The following KDM4C variants were observed in gnomAD, a reference collection of about 807,000 sequenced individuals.
KDM4C encodes the protein lysine-specific demethylase 4C.
Under a neutral mutation model 129.3 loss-of-function variants are expected in KDM4C, and 81 were observed. The ratio of observed to expected loss-of-function variants is 0.63; its 90% CI spans 0.52 to 0.75. The LOEUF (loss-of-function observed/expected upper bound fraction) is 0.75. Among genes scored for constraint, KDM4C ranks in the 30% least tolerant of loss-of-function variants. The probability of loss-of-function intolerance (pLI) is 0.00; values close to 1 mark genes in which losing one functional copy is unlikely to be tolerated. For missense variants in KDM4C, 1,457 were observed against 1,304.0 expected (o/e 1.12, Z -1.81); for synonymous variants, 573 against 456.1 (o/e 1.26, Z -3.26).
intron 19 of KDM4C, among the ~76,000 whole-genome samples, chr9:7,151,975 A>G (rs1420074770): frequency 6.6e-6 from 1 of 152,234 alleles, no homozygotes; most frequent in Non-Finnish European, 1.5e-5. Context: ...AGGCTGCGAG[A>G]TAACCTCCTA....
chr9:6,981,544 G>A (rs1011224574), intron 9 of KDM4C, among the ~76,000 whole-genome samples: 1 of 152,124 alleles, frequency 6.6e-6, no homozygotes, highest in Non-Finnish European at 1.5e-5. Flanking sequence ...TCTTCTGGAT[G>A]CTTATATTTT....
chr9:7,031,973 C>A (rs947391553), intron 15 of KDM4C, among the ~76,000 whole-genome samples: 4 of 152,224 alleles, frequency 2.6e-5, no homozygotes, highest in Non-Finnish European at 5.9e-5. Context: ...ACCTCTGGAA[C>A]TTTGGAGTAT....
chr9:6,977,868 A>C (rs1306688807), intron 8 of KDM4C, among the ~76,000 whole-genome samples: 2 of 152,200 alleles, frequency 1.3e-5, no homozygotes, highest in East Asian at 3.9e-4. Context: ...ACCACTATGC[A>C]CTTACTTCCC....
chr9:6,967,484 G>T (rs867170712), intron 8 of KDM4C, among the ~76,000 whole-genome samples: 1 of 151,548 alleles, frequency 6.6e-6, no homozygotes, highest in Non-Finnish European at 1.5e-5. Flanking sequence ...AGATTAAAAC[G>T]TTCACAGAAA....
intron 4 of KDM4C, among the ~76,000 whole-genome samples, chr9:6,836,435 T>C (rs1835892124): frequency 6.6e-6 from 1 of 152,170 alleles, no homozygotes; most frequent in South Asian, 2.1e-4. Context: ...ATGTACAATA[T>C]ATTTAAGTTT....
intron 5 of KDM4C, among the ~76,000 whole-genome samples, chr9:6,857,403 A>C (rs1278224294): frequency 6.6e-6 from 1 of 152,260 alleles, no homozygotes; most frequent in Non-Finnish European, 1.5e-5. Flanking sequence ...ATTTGTAAGA[A>C]GAAGAGAATA....
intron 10 of KDM4C, among the ~76,000 whole-genome samples, chr9:6,985,069 G>T (rs562175022): frequency 1.3e-5 from 2 of 152,000 alleles, no homozygotes; most frequent in East Asian, 1.9e-4. Context: ...TCCCCCCTCC[G>T]CCAGAATCCG....
chr9:7,037,719 C>G (rs1018917757), intron 15 of KDM4C, among the ~76,000 whole-genome samples: 2 of 152,066 alleles, frequency 1.3e-5, no homozygotes, highest in African/African-American at 4.8e-5. Flanking sequence ...TTTCATTTAT[C>G]TTTTAACCAC....
chr9:7,046,507 C>G (rs898084261), intron 15 of KDM4C, among the ~76,000 whole-genome samples: 1 of 152,012 alleles, frequency 6.6e-6, no homozygotes, highest in African/African-American at 2.4e-5. Context: ...TGTGTGCATT[C>G]TCTGCTCTAG....
At chr9:6,968,988 G>C (rs1390447024) in intron 8 of KDM4C, among the ~76,000 whole-genome samples, 1 of 152,150 alleles carries the variant, frequency 6.6e-6, no homozygotes, top group African/African-American at 2.4e-5. Context: ...CCAAGCTGGA[G>C]TGCAGTGGCA....
chr9:6,735,624 G>A (rs773922624), intron 1 of KDM4C, among the ~76,000 whole-genome samples: 5 of 152,152 alleles, frequency 3.3e-5, no homozygotes, highest in East Asian at 1.9e-4. Flanking sequence ...CATGTGAGAC[G>A]TGCCTTGCTC....
At chr9:6,956,476 G>A (rs1425780608) in intron 8 of KDM4C, among the ~76,000 whole-genome samples, 1 of 152,166 alleles carries the variant, frequency 6.6e-6, no homozygotes, top group Non-Finnish European at 1.5e-5. Flanking sequence ...CACTAAAAGG[G>A]TCAAATGTCA....
intron 8 of KDM4C, among the ~76,000 whole-genome samples, chr9:6,975,641 A>T (rs1024665830): frequency 6.6e-6 from 1 of 152,212 alleles, no homozygotes; most frequent in African/African-American, 2.4e-5. Context: ...ATACTTCTCT[A>T]TAAGACAGAC....
chr9:6,762,837 T>G (rs1819830408), intron 1 of KDM4C, among the ~76,000 whole-genome samples: 1 of 151,878 alleles, frequency 6.6e-6, no homozygotes, highest in Admixed American at 6.6e-5. Flanking sequence ...TTTTGTATTT[T>G]TAGTAGAGAT....
chr9:7,066,590 T>C (rs1161581017), intron 17 of KDM4C, among the ~76,000 whole-genome samples: 1 of 152,214 alleles, frequency 6.6e-6, no homozygotes, highest in Admixed American at 6.5e-5. Flanking sequence ...ACATGTTAAA[T>C]CAAAATTTTA....
chr9:6,852,128 C>G (rs961003421), intron 5 of KDM4C, among the ~76,000 whole-genome samples: 1 of 152,076 alleles, frequency 6.6e-6, no homozygotes, highest in Non-Finnish European at 1.5e-5. Flanking sequence ...CAGATATTTT[C>G]TAGTAGATGT....
intron 1 of KDM4C, among the ~76,000 whole-genome samples, chr9:6,738,930 G>A (rs1159922076): frequency 6.6e-6 from 1 of 151,788 alleles, no homozygotes; most frequent in African/African-American, 2.4e-5. Flanking sequence ...GTTTCCCCAT[G>A]TTTGCCCTGG....
chr9:6,984,527 C>T, intron 10 of KDM4C, 123 bp downstream of exon 10: 1 of 676,128 alleles, frequency 1.5e-6, no homozygotes, highest in African/African-American at 1.8e-5. Context: ...AGTAATCTAC[C>T]AAAGTCATGG....
intron 8 of KDM4C, among the ~76,000 whole-genome samples, chr9:6,980,244 G>C (rs1170357015): frequency 6.6e-6 from 1 of 152,192 alleles, no homozygotes; most frequent in Admixed American, 6.5e-5. Flanking sequence ...TGCTTAATAA[G>C]ATGTGACTGA....
Sources: gnomAD v4.1 joint callset for allele counts (sites outside exome capture counted in the v4.1 genomes callset) on GRCh38, gnomAD v4.1.1 for gene constraint, MANE v1.5 for transcripts, NCBI Gene and HGNC (gene_info 2026-07-23, HGNC 2026-07-21) for gene names.